CHD5: variants seen among roughly 807,000 people sequenced by gnomAD.
The protein encoded by CHD5 is chromodomain helicase DNA binding protein 5.
A neutral mutation model predicts 230.3 loss-of-function variants in CHD5; 69 were observed. The observed-to-expected ratio is 0.30, with a 90% confidence interval of 0.25 to 0.37. CHD5 has a LOEUF of 0.37. CHD5 is among the 10% of genes least tolerant of loss of function. The pLI, the probability that CHD5 is intolerant of heterozygous loss-of-function variation, is 1.00. For synonymous variants in CHD5, 1,064 were observed against 1,065.9 expected (o/e 1.00, Z 0.03); for missense variants, 1,827 against 2,622.8 (o/e 0.70, Z 6.63).
intron 33 of CHD5, among the ~76,000 whole-genome samples, chr1:6,117,761 G>A (rs896583856): frequency 2.6e-5 from 4 of 152,176 alleles, no homozygotes; most frequent in Non-Finnish European, 5.9e-5. Flanking sequence ...CCACTAGGGT[G>A]ACTATAATCA....
At position 6,127,460 on chromosome 1, in the gene CHD5, G is replaced by A. The variant is rs1336228022; in HGVS notation, c.3903+586C>T. On this transcript the variant is annotated intron_variant, in intron 25 of 41. Transcript: ENST00000262450. ...GATACTGCGCCACTGCACTCCAGCC[G>A]GGGCGACAGAGCGAGACTCCATTTC... 7.2e-5 allele frequency among the ~76,000 whole-genome samples: 11 copies of A among 152,062 alleles called. No homozygotes were observed. In the East Asian group the frequency reaches 1.7e-3, roughly 24 times the overall value.
intron 15 of CHD5, among the ~76,000 whole-genome samples, chr1:6,137,396 C>CA (rs1324373680): frequency 2.6e-5 from 4 of 152,212 alleles, no homozygotes; most frequent in African/African-American, 9.7e-5. Context: ...CGTGAGCCAC[C>CA]ACGACCAGCC....
At chr1:6,171,126 T>C (rs1425754797) in intron 1 of CHD5, among the ~76,000 whole-genome samples, 1 of 152,234 alleles carries the variant, frequency 6.6e-6, no homozygotes, top group Non-Finnish European at 1.5e-5. Context: ...GGTCACTGAC[T>C]GGTGGCCTGA....
Position 6,121,705 on chromosome 1 carries a change from GA to G in CHD5, c.4700-133del. On this transcript the variant is annotated intron_variant, in intron 31 of 41. Coordinates refer to ENST00000262450, the MANE Select transcript of CHD5 (RefSeq NM_015557.3). The surrounding 1 kb of genome is among the most constrained non-coding windows in gnomAD (Gnocchi z 4.5). ...CTCCACTGCAGCCAAGCACCTCCAG[GA>G]GAGACAAGCAGGATCCCCGGCTAAG... 1 of 632,570 alleles carries G rather than the reference GA, an allele frequency of 1.6e-6. No homozygotes were observed. 39.2% of individuals were successfully genotyped at this position (632,570 alleles called of 1,614,324 possible).
chr1:6,179,922 A>C, intron 1 of CHD5, 23 bp downstream of exon 1: 1 of 1,258,786 alleles, frequency 7.9e-7, no homozygotes, highest in Non-Finnish European at 1.0e-6. Flanking sequence ...CTCTGGCCCC[A>C]GGCGCACCCG....
chr1:6,157,692 T>TGA (rs1276991964), intron 3 of CHD5, among the ~76,000 whole-genome samples: 1 of 152,204 alleles, frequency 6.6e-6, no homozygotes, highest in Non-Finnish European at 1.5e-5. Context: ...CCTCTGTGGC[T>TGA]GACCTGCCCC....
intron 7 of CHD5, 93 bp downstream of exon 7, chr1:6,150,939 C>T (rs529198121): frequency 5.9e-6 from 8 of 1,354,708 alleles, no homozygotes; most frequent in East Asian, 2.7e-5. Context: ...CACATCCACC[C>T]GGCAGGCCGA....
chr1:6,132,880 T>TTCTCTCTC (rs111561200), intron 20 of CHD5, among the ~76,000 whole-genome samples: 8,024 of 144,428 alleles, frequency 0.056, 354 homozygotes, highest in East Asian at 0.22. Flanking sequence ...TCCTATTCTT[T>TTCTCTCTC]TCTCTCTCTC....
At chr1:6,123,720 C>T (rs1222296585) in intron 31 of CHD5, among the ~76,000 whole-genome samples, 3 of 152,244 alleles carry the variant, frequency 2.0e-5, no homozygotes, top group Admixed American at 6.5e-5. Flanking sequence ...TGAGCCACCG[C>T]GCCCAGCCAG....
chr1:6,145,791 CAG>C (rs766503310), intron 11 of CHD5, among the ~76,000 whole-genome samples: 2 of 152,228 alleles, frequency 1.3e-5, no homozygotes, highest in Non-Finnish European at 2.9e-5. Context: ...ATCAGTAAAA[CAG>C]AGGTGAAAGT....
chr1:6,168,913 G>C (rs1235813722), intron 1 of CHD5, among the ~76,000 whole-genome samples: 2 of 152,030 alleles, frequency 1.3e-5, no homozygotes, highest in African/African-American at 4.8e-5. Flanking sequence ...CAACTATTCG[G>C]GAGGCTGAGG....
Position 6,124,678 on chromosome 1 carries a change from G to A in CHD5, c.4395-17C>T, listed in dbSNP as rs1352599656. 4.8e-6 allele frequency: 3 copies of A among 621,970 alleles called. No individual in the cohort carries two copies. The highest frequency in any genetic ancestry group is 9.0e-6 in the Non-Finnish European group (3 of 334,974). The allele number at this position is 621,970 out of a possible 1,614,324, so 38.5% of individuals were successfully genotyped here. A position where few individuals can be genotyped will look rare whatever the true frequency, so the allele number is the denominator to read the frequency against. On this transcript the variant is annotated splice_polypyrimidine_tract_variant and intron_variant, in intron 29 of 41. Coordinates refer to ENST00000262450, the MANE Select transcript of CHD5 (RefSeq NM_015557.3). Reference sequence around the variant, plus strand: ...ACATAGGCTCTGGGGTGGGGGGGGGGGACTGGGGCTCAGGGAGTGGGGGGC... The same window carrying A: ...ACATAGGCTCTGGGGTGGGGGGGGGAGACTGGGGCTCAGGGAGTGGGGGGC...
chr1:6,103,173 C>T lies in CHD5; in HGVS notation c.*2301G>A, dbSNP rs563391816. ...CTCCCAAACTGGTCAGCCCCAAACC[C>T]GCTCTGACTCTAGTAGCCCACCCCT... On this transcript the variant is annotated 3_prime_UTR_variant, in exon 42 of 42. Coordinates refer to ENST00000262450, the MANE Select transcript of CHD5 (RefSeq NM_015557.3). 3 of 152,668 alleles carry T rather than the reference C, an allele frequency of 2.0e-5. No homozygotes were observed. The highest frequency in any genetic ancestry group is 7.2e-5 in the African/African-American group (3 of 41,594). 9.5% of individuals were successfully genotyped at this position (152,668 alleles called of 1,614,324 possible).
At chr1:6,174,431 G>A (rs1667387223) in intron 1 of CHD5, among the ~76,000 whole-genome samples, 1 of 152,110 alleles carries the variant, frequency 6.6e-6, no homozygotes, top group African/African-American at 2.4e-5. Context: ...AATGCATGGT[G>A]GATGGATGGT....
At chr1:6,159,739 C>T (rs142698409) in intron 2 of CHD5, among the ~76,000 whole-genome samples, 15 of 152,354 alleles carry the variant, frequency 9.8e-5, no homozygotes, top group Middle Eastern at 3.4e-3. Context: ...CCAGGGTCTA[C>T]GCCACAGGAA....
rs751090158 is a variant in CHD5, at chr1:6,106,450, A to C, written c.5802T>G (p.Pro1934=). 77 of 1,567,676 alleles carry C rather than the reference A, an allele frequency of 4.9e-5. No homozygotes were observed. The highest frequency in any genetic ancestry group is 6.3e-5 in the Non-Finnish European group (73 of 1,156,714). ...TGTAGTTGACAATCCCTCCCGGTCC[A>C]GGGCCCCGGAAGTTGGGCCCAAAGT... is the stretch of plus-strand genomic sequence containing the variant. ...SNNFGPNFRG[P]GPGGIVNYNQ... is the part of the protein sequence containing the mutation. The change falls in exon 40 of 42, where the codon CCT becomes CCG. Residue 1934 remains proline, a synonymous_variant. Coordinates refer to ENST00000262450, the MANE Select transcript of CHD5 (RefSeq NM_015557.3).
chr1:6,136,848 T>A lies in CHD5; in HGVS notation c.2454A>T (p.Lys818Asn). The change falls in exon 16 of 42, where the codon AAA becomes AAT. Residue 818 changes from lysine (K) to asparagine (N), a missense_variant. By Grantham distance (94) the Lys-to-Asn change is moderately conservative. Transcript: ENST00000262450. ...CATAGGAGGTGAGCAGCACGTGGAA[T>A]TTGATCTGCACTTCTTTCTGGAGAA... is the stretch of plus-strand genomic sequence containing the variant. The part of the protein sequence containing the change: ...VFRMKKEVQI[K>N]FHVLLTSYEL... The A allele has an allele frequency of 6.2e-7, 1 of 1,610,006 alleles. No individual in the cohort carries two copies. The highest frequency in any genetic ancestry group is 8.5e-7 in the Non-Finnish European group (1 of 1,177,300).
chr1:6,131,491 A>G lies in CHD5; in HGVS notation c.3262+140T>C. The G allele has an allele frequency of 1.8e-6, 1 of 560,908 alleles. No individual in the cohort carries two copies. The highest frequency in any genetic ancestry group is 3.2e-6 in the Non-Finnish European group (1 of 308,738). 34.7% of individuals were successfully genotyped at this position (560,908 alleles called of 1,614,324 possible). A position where few individuals can be genotyped will look rare whatever the true frequency, so the allele number is the denominator to read the frequency against. ...GGGAGGAATCCTTTTAACATTGGAA[A>G]CTCGGACTGGCCTGCTGTCTTTAGC... On this transcript the variant is annotated intron_variant, in intron 21 of 41. Transcript: ENST00000262450. This position sits in a 1 kb window ranked among gnomAD's most constrained non-coding sequence, Gnocchi z 5.0.
At chr1:6,159,970 C>T (rs1051649669) in intron 2 of CHD5, among the ~76,000 whole-genome samples, 1 of 152,210 alleles carries the variant, frequency 6.6e-6, no homozygotes, top group African/African-American at 2.4e-5. Context: ...AGTCAAAAAG[C>T]AAAGTGCACA....
Sources: allele counts gnomAD v4.1 joint callset (sites outside exome capture counted in the v4.1 genomes callset), GRCh38; gene constraint gnomAD v4.1.1; non-coding constraint Gnocchi (gnomAD v3.1); transcripts MANE v1.5; gene names NCBI Gene and HGNC (gene_info 2026-07-23, HGNC 2026-07-21).